Variants in HS6ST1 observed in about 807,000 individuals in gnomAD.
The protein encoded by HS6ST1 is heparan-sulfate 6-O-sulfotransferase 1.
Under a neutral mutation model 25.2 loss-of-function variants are expected in HS6ST1, and 3 were observed. The observed-to-expected ratio is 0.12, with a 90% CI of 0.05 to 0.31. The LOEUF is 0.31. Among genes scored for constraint, HS6ST1 ranks in the 10% least tolerant of loss-of-function variants. HS6ST1 has a pLI of 1.00. For synonymous variants in HS6ST1, 204 were observed against 275.1 expected (o/e 0.74, Z 2.56); for missense variants, 310 against 609.6 (o/e 0.51, Z 5.18).
intron 1 of HS6ST1, among the ~76,000 whole-genome samples, chr2:128,304,938 A>G (rs1694186613): frequency 6.6e-6 from 1 of 152,210 alleles, no homozygotes; most frequent in Non-Finnish European, 1.5e-5. Context: ...GCTCTGTGGC[A>G]ACCCATGGAA....
intron 1 of HS6ST1, among the ~76,000 whole-genome samples, chr2:128,299,515 A>G (rs1378185787): frequency 6.6e-6 from 1 of 152,218 alleles, no homozygotes; most frequent in South Asian, 2.1e-4. Flanking sequence ...TCCAGGCCCA[A>G]TGAGGAAGAG....
At chr2:128,285,762 G>A (rs2104920760) in intron 1 of HS6ST1, among the ~76,000 whole-genome samples, 1 of 152,334 alleles carries the variant, frequency 6.6e-6, no homozygotes, top group East Asian at 1.9e-4. Context: ...CTCCCAGCTG[G>A]CTCGGACAAC....
chr2:128,286,605 G>T (rs1693865871), intron 1 of HS6ST1, among the ~76,000 whole-genome samples: 1 of 152,220 alleles, frequency 6.6e-6, no homozygotes, highest in South Asian at 2.1e-4. Context: ...TGGTTTCAAG[G>T]ACAGGACACT....
chr2:128,272,799 A>G (rs552132065), intron 1 of HS6ST1, among the ~76,000 whole-genome samples: 4 of 152,166 alleles, frequency 2.6e-5, no homozygotes, highest in Admixed American at 6.6e-5. Flanking sequence ...TGAGCTGCTG[A>G]AGACAGACAC....
chr2:128,293,643 G>A (rs187727430), intron 1 of HS6ST1, among the ~76,000 whole-genome samples: 98 of 152,328 alleles, frequency 6.4e-4, no homozygotes, highest in African/African-American at 1.8e-3. Context: ...GGAGTCAGAG[G>A]AGGAACATGC....
At chr2:128,269,788 C>A (rs13424658) in intron 1 of HS6ST1, among the ~76,000 whole-genome samples, 11,266 of 152,272 alleles carry the variant, frequency 0.074, 469 homozygotes, top group Non-Finnish European at 0.092. Flanking sequence ...CCCTCACTGC[C>A]CGGGGGAGCA....
chr2:128,286,274 C>T (rs1182370701), intron 1 of HS6ST1, among the ~76,000 whole-genome samples: 5 of 152,358 alleles, frequency 3.3e-5, no homozygotes, highest in South Asian at 2.1e-4. Flanking sequence ...GGGAATCTAT[C>T]GTGGCCGAGG....
intron 1 of HS6ST1, among the ~76,000 whole-genome samples, chr2:128,299,707 C>A (rs898666255): frequency 5.3e-5 from 8 of 152,310 alleles, no homozygotes; most frequent in South Asian, 2.1e-4. Context: ...GTGGGCCAGG[C>A]CTGCCTGGAA....
chr2:128,273,103 C>A (rs1229275374), intron 1 of HS6ST1, among the ~76,000 whole-genome samples: 1 of 152,218 alleles, frequency 6.6e-6, no homozygotes, highest in African/African-American at 2.4e-5. Flanking sequence ...GGAACCACAC[C>A]AGGGAGGCGG....
At chr2:128,306,156 TG>T (rs1284342699) in intron 1 of HS6ST1, among the ~76,000 whole-genome samples, 1 of 152,212 alleles carries the variant, frequency 6.6e-6, no homozygotes, top group Non-Finnish European at 1.5e-5. Flanking sequence ...AGCCCCTCCC[TG>T]CTCCCAGACT....
chr2:128,306,710 G>A (rs1461762951), intron 1 of HS6ST1, among the ~76,000 whole-genome samples: 1 of 152,146 alleles, frequency 6.6e-6, no homozygotes, highest in Non-Finnish European at 1.5e-5. Flanking sequence ...CATGGGGTGG[G>A]GGCACATTCC....
In HS6ST1 at chr2:128,279,167, G is replaced by A. The variant is rs73956980; in HGVS notation, c.528-10297C>T. On this transcript the variant is annotated intron_variant, in intron 1 of 1. Transcript: ENST00000259241. ...AGGCCCCTCCCCTCCCATGCCCGAA[G>A]CTGATGGGGGTGCGGGGGTGGGTTC... Among the ~76,000 whole-genome samples the A allele has an allele frequency of 3.6e-3, 545 of 152,194 alleles. 8 individuals carry two copies. The highest frequency in any genetic ancestry group is 0.014 in the Middle Eastern group (4 of 294).
chr2:128,277,079 AAGCATCCGGCT>A (rs2104914703), intron 1 of HS6ST1, among the ~76,000 whole-genome samples: 1 of 152,264 alleles, frequency 6.6e-6, no homozygotes, highest in African/African-American at 2.4e-5. Flanking sequence ...TGCCCGGCCC[AAGCATCCGGCT>A]GGTGGTTGGT....
chr2:128,280,787 A>C (rs888444009), intron 1 of HS6ST1, among the ~76,000 whole-genome samples: 4 of 152,060 alleles, frequency 2.6e-5, no homozygotes, highest in Non-Finnish European at 5.9e-5. Flanking sequence ...CTGTGTGGGC[A>C]CAGGGGGCAG....
intron 1 of HS6ST1, among the ~76,000 whole-genome samples, chr2:128,282,572 T>C (rs1693804059): frequency 6.6e-6 from 1 of 152,222 alleles, no homozygotes; most frequent in African/African-American, 2.4e-5. Flanking sequence ...GGAAGCCAGA[T>C]GGGCAGAGAC....
chr2:128,289,411 C>T (rs1223883435), intron 1 of HS6ST1, among the ~76,000 whole-genome samples: 1 of 152,234 alleles, frequency 6.6e-6, no homozygotes, highest in African/African-American at 2.4e-5. Context: ...TTAGATCCCC[C>T]TGCAGATGGG....
intron 1 of HS6ST1, among the ~76,000 whole-genome samples, chr2:128,279,300 C>T (rs79834734): frequency 0.018 from 2,612 of 148,950 alleles, 64 homozygotes; most frequent in African/African-American, 0.054. Flanking sequence ...TGGGTGAGGA[C>T]GCTGTCATTT....
intron 1 of HS6ST1, among the ~76,000 whole-genome samples, chr2:128,299,270 C>T (rs974128902): frequency 3.3e-5 from 5 of 152,262 alleles, no homozygotes; most frequent in Admixed American, 2.0e-4. Flanking sequence ...TCTGCTCTCC[C>T]GTCCTCCAAA....
At chr2:128,294,800 G>A (rs1319496461) in intron 1 of HS6ST1, among the ~76,000 whole-genome samples, 1 of 151,896 alleles carries the variant, frequency 6.6e-6, no homozygotes, top group Non-Finnish European at 1.5e-5. Context: ...AAGGTACAGG[G>A]GTGTCAGCCT....
Sources: gnomAD v4.1 joint callset for allele counts (sites outside exome capture counted in the v4.1 genomes callset) on GRCh38, gnomAD v4.1.1 for gene constraint, MANE v1.5 for transcripts, NCBI Gene and HGNC (gene_info 2026-07-23, HGNC 2026-07-21) for gene names.